The following PEMT variants were observed in gnomAD, a reference collection of about 807,000 sequenced individuals.
PEMT encodes phospholipid methyltransferase.
PEMT carries 23 observed loss-of-function variants against 27.4 expected under a neutral mutation model. The observed-to-expected ratio is 0.84, with a 90% CI of 0.60 to 1.19. PEMT has a LOEUF of 1.19. PEMT is among the 50% of genes most tolerant of loss of function. PEMT has a pLI of 0.00. For synonymous variants in PEMT, 137 were observed against 139.1 expected (o/e 0.98, Z 0.11); for missense variants, 307 against 310.1 (o/e 0.99, Z 0.07).
At chr17:17,540,789 G>A (rs531913692) in intron 2 of PEMT, among the ~76,000 whole-genome samples, 37 of 152,268 alleles carry the variant, frequency 2.4e-4, no homozygotes, top group African/African-American at 7.9e-4. Flanking sequence ...CCCCACCTTG[G>A]ACAGCACCTG....
At chr17:17,573,061 T>C (rs1055098204) in intron 2 of PEMT, among the ~76,000 whole-genome samples, 8 of 152,162 alleles carry the variant, frequency 5.3e-5, no homozygotes, top group Non-Finnish European at 1.2e-4. Flanking sequence ...CAGTGGTGCA[T>C]GCCTGTAATC....
intron 2 of PEMT, among the ~76,000 whole-genome samples, chr17:17,556,744 G>A (rs1910083752): frequency 6.6e-6 from 1 of 152,142 alleles, no homozygotes; most frequent in African/African-American, 2.4e-5. Context: ...CTTCAGAGAG[G>A]CCACATGAGC....
chr17:17,564,959 T>C (rs1910729205), intron 2 of PEMT, among the ~76,000 whole-genome samples: 1 of 152,046 alleles, frequency 6.6e-6, no homozygotes, highest in Admixed American at 6.5e-5. Flanking sequence ...GACAAATGTC[T>C]TCCTAGGAGG....
At chr17:17,588,353 C>A (rs1165482871) in intron 1 of PEMT, among the ~76,000 whole-genome samples, 1 of 152,140 alleles carries the variant, frequency 6.6e-6, no homozygotes, top group Non-Finnish European at 1.5e-5. Flanking sequence ...CAAGATACCC[C>A]GCATCGGCCA....
At chr17:17,545,772 A>C (rs1463173558) in intron 2 of PEMT, among the ~76,000 whole-genome samples, 1 of 152,230 alleles carries the variant, frequency 6.6e-6, no homozygotes, top group East Asian at 1.9e-4. Context: ...GATGGAGTGC[A>C]GAGGGACAGG....
At chr17:17,572,066 C>G (rs1182739136) in intron 2 of PEMT, among the ~76,000 whole-genome samples, 1 of 152,200 alleles carries the variant, frequency 6.6e-6, no homozygotes, top group Non-Finnish European at 1.5e-5. Context: ...TCTTCCTCCA[C>G]AAGCCTCTCC....
Position 17,559,094 on chromosome 17 carries a change from C to G in PEMT, c.204+17826G>C, listed in dbSNP as rs532332846. 7.9e-5 allele frequency among the ~76,000 whole-genome samples: 12 copies of G among 152,212 alleles called. No homozygotes were observed. In the South Asian group the frequency reaches 1.0e-3, roughly 13 times the overall value. ...CGTCGCAGCTTCTTACGCTCCCCCCCATTTTTACAGACAAGGAAACTGAGT... is the reference window on the plus strand; with the variant it reads ...CGTCGCAGCTTCTTACGCTCCCCCCGATTTTTACAGACAAGGAAACTGAGT... On this transcript the variant is annotated intron_variant, in intron 2 of 6. Transcript: ENST00000255389.
At chr17:17,555,982 T>C (rs777517857) in intron 2 of PEMT, among the ~76,000 whole-genome samples, 4 of 152,224 alleles carry the variant, frequency 2.6e-5, no homozygotes, top group Non-Finnish European at 4.4e-5. Flanking sequence ...TAAGGAAACA[T>C]GCTCTGAGGC....
At chr17:17,527,284 G>A (rs113660538) in intron 2 of PEMT, among the ~76,000 whole-genome samples, 4 of 152,302 alleles carry the variant, frequency 2.6e-5, no homozygotes, top group African/African-American at 7.2e-5. Context: ...TGATCCGCCC[G>A]CCTCGGCCTC....
intron 1 of PEMT, among the ~76,000 whole-genome samples, chr17:17,580,629 C>T (rs977128823): frequency 1.3e-5 from 2 of 152,158 alleles, no homozygotes; most frequent in African/African-American, 4.8e-5. Flanking sequence ...GAGTTATCTC[C>T]CTGCATGTGC....
intron 3 of PEMT, among the ~76,000 whole-genome samples, chr17:17,515,421 C>T (rs70963033): frequency 2.0e-5 from 3 of 152,170 alleles, no homozygotes; most frequent in African/African-American, 7.2e-5. Context: ...GACCCTCAGT[C>T]CCCCAGCTGC....
At chr17:17,568,818 C>T (rs1289272605) in intron 2 of PEMT, among the ~76,000 whole-genome samples, 1 of 152,122 alleles carries the variant, frequency 6.6e-6, no homozygotes, top group African/African-American at 2.4e-5. Flanking sequence ...AGCACCCACA[C>T]CTTTTCTTCC....
At chr17:17,537,281 A>C (rs4646394) in intron 2 of PEMT, among the ~76,000 whole-genome samples, 74,238 of 151,912 alleles carry the variant, frequency 0.49, 18,424 homozygotes, top group Non-Finnish European at 0.54. Context: ...TGTGAGGAGG[A>C]CCCACCTGCT....
intron 2 of PEMT, among the ~76,000 whole-genome samples, chr17:17,562,703 G>A (rs1910573258): frequency 6.6e-6 from 1 of 152,158 alleles, no homozygotes; most frequent in Non-Finnish European, 1.5e-5. Flanking sequence ...CAGCTACTTG[G>A]GAGGCTGAGG....
intron 2 of PEMT, among the ~76,000 whole-genome samples, chr17:17,560,272 A>C (rs1030169821): frequency 6.6e-6 from 1 of 152,166 alleles, no homozygotes; most frequent in African/African-American, 2.4e-5. Flanking sequence ...GTGCAGGAGA[A>C]ATGTGCCCTG....
At chr17:17,545,789 C>T (rs982576922) in intron 2 of PEMT, among the ~76,000 whole-genome samples, 6 of 152,152 alleles carry the variant, frequency 3.9e-5, no homozygotes, top group Admixed American at 6.5e-5. Flanking sequence ...CAGGTCACAG[C>T]GTTCGTGACG....
chr17:17,530,488 G>A (rs550551712), intron 2 of PEMT, among the ~76,000 whole-genome samples: 9 of 151,510 alleles, frequency 5.9e-5, no homozygotes, highest in South Asian at 2.1e-4. Context: ...GAGAGACTCC[G>A]TCTCCAAAAA....
chr17:17,567,830 G>A (rs7220691), intron 2 of PEMT, among the ~76,000 whole-genome samples: 2,313 of 152,276 alleles, frequency 0.015, 50 homozygotes, highest in African/African-American at 0.053. Context: ...CACAGGCTCC[G>A]CCAGTAAGCC....
rs1241692258 is a variant in PEMT at position 17,570,901 on chromosome 17, G to A, written c.204+6019C>T. Reference sequence around the variant, plus strand: ...AAGAGGGAGTCCATCCTGGTCCTTGGACCACTGCCCTGGCATCTGGAGTGA... The same window carrying A: ...AAGAGGGAGTCCATCCTGGTCCTTGAACCACTGCCCTGGCATCTGGAGTGA... On this transcript the variant is annotated intron_variant, in intron 2 of 6. Transcript: ENST00000255389. 4 of 985,248 alleles carry A rather than the reference G, an allele frequency of 4.1e-6. No homozygotes were observed. The African/African-American group carries it at 5.2e-5, about 13-fold the overall frequency. 61.0% of individuals were successfully genotyped at this position (985,248 alleles called of 1,614,324 possible).
Sources: allele counts gnomAD v4.1 joint callset (sites outside exome capture counted in the v4.1 genomes callset), GRCh38; gene constraint gnomAD v4.1.1; transcripts MANE v1.5; gene names NCBI Gene and HGNC (gene_info 2026-07-23, HGNC 2026-07-21).